SI: variants seen among roughly 807,000 people sequenced by gnomAD.
SI encodes sucrase-isomaltase.
In SI, 235 loss-of-function variants were observed where a neutral mutation model predicts 253.3. The observed-to-expected ratio is 0.93, with a 90% CI of 0.83 to 1.03. SI has a LOEUF of 1.03. Among genes scored for constraint, SI ranks in the 50% least tolerant of loss-of-function variants. The pLI is 0.00. For missense variants in SI, 2,442 were observed against 2,211.1 expected, an observed-to-expected ratio of 1.10 and a Z score of -2.09; for synonymous variants, 819 against 712.0, an observed-to-expected ratio of 1.15 and a Z score of -2.39.
intron 9 of SI, among the ~76,000 whole-genome samples, chr3:165,060,817 C>G (rs1560013220): frequency 7.1e-6 from 1 of 141,100 alleles, no homozygotes; most frequent in Non-Finnish European, 1.5e-5. Flanking sequence ...ATATACATAT[C>G]ATATATATAT....
In SI at chr3:164,992,297, A is replaced by C; in HGVS notation, c.4926+16T>G. The stretch of plus-strand genomic sequence containing the variant: ...CAAAGAAAATTGTGTAAACAAAAAT[A>C]TGTGGTAGGACTTACAGGTTCCAGT... On this transcript the variant is annotated intron_variant, in intron 42 of 47. Transcript: ENST00000264382. The C allele has an allele frequency of 1.2e-6, 2 of 1,612,194 alleles. No homozygotes were observed. The highest frequency in any genetic ancestry group is 1.7e-6 in the Non-Finnish European group (2 of 1,178,370).
Position 164,998,559 on chromosome 3 carries a change from G to A in SI, c.4521C>T (p.Asn1507=). 6.2e-7 allele frequency: 1 copy of A among 1,611,912 alleles called. No homozygotes were observed. Among genetic ancestry groups the A allele is most frequent in the Non-Finnish European group, 8.5e-7 (1 of 1,178,508 alleles). Residue 1507 remains asparagine, a synonymous_variant, in exon 38 of 48, where the codon AAC becomes AAT. Transcript: ENST00000264382. ...ACTTACCAATGATTGATTTGTCCAT[G>A]TTGTCCCATCGTGCATAGTTGTCTC... is the stretch of plus-strand genomic sequence containing the variant. The part of the protein sequence containing the change: ...WLGDNYARWD[N]MDKSIIGMME...
intron 37 of SI, among the ~76,000 whole-genome samples, chr3:164,999,257 G>A (rs184405441): frequency 1.3e-5 from 2 of 151,668 alleles, no homozygotes; most frequent in African/African-American, 4.8e-5. Context: ...GAAATCATAT[G>A]ATTTATTTCC....
chr3:165,037,611 A>G (rs908061097), intron 21 of SI, among the ~76,000 whole-genome samples: 1 of 151,950 alleles, frequency 6.6e-6, no homozygotes, highest in Non-Finnish European at 1.5e-5. Context: ...CACATTTTGT[A>G]TAGTTATTAA....
chr3:165,015,030 T>C, intron 33 of SI, 93 bp downstream of exon 33: 1 of 880,654 alleles, frequency 1.1e-6, no homozygotes, highest in Admixed American at 2.0e-5. Context: ...TGTATAGCTC[T>C]CCTGAACGGT....
At position 165,028,512 on chromosome 3, in the gene SI, AG is replaced by A. The variant is rs200391489; in HGVS notation, c.2892+2199del. On this transcript the variant is annotated intron_variant, in intron 25 of 47. Coordinates refer to ENST00000264382, the MANE Select transcript of SI (RefSeq NM_001041.4). ...GAATAAGCAAAAAGAACAAATCTGG[AG>A]GCATCATATTACTTAATTTCAAACT... Among the ~76,000 whole-genome samples, 653 of 151,788 alleles carry A rather than the reference AG, an allele frequency of 4.3e-3. 3 individuals carry two copies. The highest frequency in any genetic ancestry group is 0.015 in the African/African-American group (634 of 41,480).
intron 31 of SI, among the ~76,000 whole-genome samples, chr3:165,016,833 G>A (rs1221930328): frequency 6.6e-6 from 1 of 151,724 alleles, no homozygotes; most frequent in Non-Finnish European, 1.5e-5. Flanking sequence ...CCACGTGCAT[G>A]TTTCTGTATT....
chr3:165,009,311 T>C lies in SI; in HGVS notation c.4147A>G (p.Asn1383Asp), dbSNP rs1438847356. The C allele has an allele frequency of 1.2e-6, 2 of 1,612,154 alleles. No homozygotes were observed. Among genetic ancestry groups the C allele is most frequent in the Non-Finnish European group, 1.7e-6 (2 of 1,178,456 alleles). Residue 1383 changes from asparagine to aspartate, a missense_variant, in exon 35 of 48, where the codon AAT (asparagine) becomes GAT (aspartate). Transcript: ENST00000264382. The part of the protein sequence containing the change: ...WWAREIVDFY[N>D]EKMKFDGLWI... Reference sequence around the variant, plus strand: ...AAACCATCAAACTTCATCTTTTCATTGTAAAAGTCCACAATTTCTCTGGCC... The same window carrying C: ...AAACCATCAAACTTCATCTTTTCATCGTAAAAGTCCACAATTTCTCTGGCC...
At position 165,018,037 on chromosome 3, in the gene SI, G is replaced by A. The variant is rs151179622; in HGVS notation, c.3453C>T (p.Pro1151=). The part of the protein sequence containing the change: ...GYKLNSYGFH[P]YYMALEEEGN... ...CCTCCTCTTCCAGAGCCATGTAATAGGGATGAAATCCATAGGAATTAAGTT... is the reference window on the plus strand; with the variant it reads ...CCTCCTCTTCCAGAGCCATGTAATAAGGATGAAATCCATAGGAATTAAGTT... Residue 1151 remains proline, a synonymous_variant, in exon 29 of 48, where the codon CCC becomes CCT. Coordinates refer to ENST00000264382, the MANE Select transcript of SI (RefSeq NM_001041.4). The A allele has an allele frequency of 3.3e-5, 53 of 1,609,774 alleles. 1 individual carries two copies. The African/African-American group carries it at 5.3e-4, about 16-fold the overall frequency.
rs766107906 is a variant in SI at position 165,074,688 on chromosome 3, A to G, written c.119-21T>C. On this transcript the variant is annotated intron_variant, in intron 2 of 47. Coordinates refer to ENST00000264382, the MANE Select transcript of SI (RefSeq NM_001041.4). ...AATTTCTGGGGGAGGAAAAAACTCA[A>G]TAAAATAAAACATGACATTAAATTA... is the stretch of plus-strand genomic sequence containing the variant. 2.6e-5 allele frequency: 41 copies of G among 1,591,960 alleles called. 2 individuals are homozygous for G. The South Asian group carries it at 4.1e-4, about 16-fold the overall frequency.
At chr3:165,081,674 G>A (rs928895583), upstream of SI, among the ~76,000 whole-genome samples, 9 of 151,896 alleles carry the variant, frequency 5.9e-5, no homozygotes, top group Non-Finnish European at 1.2e-4. Flanking sequence ...TCTTTTAGAG[G>A]CCTGTGAAAA....
intron 13 of SI, among the ~76,000 whole-genome samples, chr3:165,051,616 T>G (rs1281980165): frequency 6.6e-6 from 1 of 152,092 alleles, no homozygotes; most frequent in Non-Finnish European, 1.5e-5. Flanking sequence ...AATTTGGGAA[T>G]AGTGAGCTGC....
upstream of SI, among the ~76,000 whole-genome samples, chr3:165,079,926 A>C: frequency 7.7e-6 from 1 of 129,372 alleles, no homozygotes; most frequent in Middle Eastern, 4.3e-3. Flanking sequence ...ACTCAGTATT[A>C]AGCTGCCAAT....
chr3:165,070,204 A>G (rs1714471809), intron 3 of SI, among the ~76,000 whole-genome samples: 1 of 143,466 alleles, frequency 7.0e-6, no homozygotes, highest in Non-Finnish European at 1.5e-5. Context: ...AGTATATATT[A>G]TATATAAAAT....
intron 13 of SI, among the ~76,000 whole-genome samples, chr3:165,054,125 A>C (rs1713570380): frequency 6.6e-6 from 1 of 152,158 alleles, no homozygotes; most frequent in African/African-American, 2.4e-5. Flanking sequence ...ATATTTGCTA[A>C]CTAAATGATT....
intron 9 of SI, among the ~76,000 whole-genome samples, chr3:165,061,392 C>T (rs1376861882): frequency 6.6e-6 from 1 of 151,840 alleles, no homozygotes; most frequent in Non-Finnish European, 1.5e-5. Flanking sequence ...TTTTATATTA[C>T]AGATACTGTA....
At chr3:165,066,151 T>C (rs1051184077) in intron 6 of SI, among the ~76,000 whole-genome samples, 2 of 151,896 alleles carry the variant, frequency 1.3e-5, no homozygotes, top group Admixed American at 1.3e-4. Flanking sequence ...ATAAAAACTC[T>C]TTACATATAA....
chr3:165,001,165 C>A (rs1718240300), intron 37 of SI, among the ~76,000 whole-genome samples: 1 of 151,054 alleles, frequency 6.6e-6, no homozygotes, highest in African/African-American at 2.4e-5. Flanking sequence ...CTGATGAAAT[C>A]AATTTATAAA....
At chr3:165,039,997 TATA>T (rs1413898849) in intron 18 of SI, 26 bp from the exon 19 acceptor site, 1 of 1,550,420 alleles carries the variant, frequency 6.4e-7, no homozygotes, top group African/African-American at 1.4e-5. Context: ...ATGTTTAAAG[TATA>T]ATAATGAAAA....
Sources: allele counts gnomAD v4.1 joint callset (sites outside exome capture counted in the v4.1 genomes callset), GRCh38; gene constraint gnomAD v4.1.1; transcripts MANE v1.5; gene names NCBI Gene and HGNC (gene_info 2026-07-23, HGNC 2026-07-21).